Variants in GUCY1A2 observed in about 807,000 individuals in gnomAD.
GUCY1A2 encodes guanylate cyclase soluble subunit alpha-2.
A neutral mutation model predicts 63.5 loss-of-function variants in GUCY1A2; 27 were observed. The ratio of observed to expected loss-of-function variants is 0.43; its 90% CI spans 0.31 to 0.59. GUCY1A2 has a LOEUF of 0.59. GUCY1A2 is among the 20% of genes least tolerant of loss of function. GUCY1A2 has a pLI of 0.11. For missense variants in GUCY1A2, 768 were observed against 913.3 expected, an observed-to-expected ratio of 0.84 and a Z score of 2.05; for synonymous variants, 364 against 343.5, an observed-to-expected ratio of 1.06 and a Z score of -0.66.
At chr11:106,911,628 C>CA (rs1405444840) in intron 4 of GUCY1A2, among the ~76,000 whole-genome samples, 3 of 152,110 alleles carry the variant, frequency 2.0e-5, no homozygotes, top group Admixed American at 2.0e-4. Flanking sequence ...CTGAGAGTTT[C>CA]ACAAAATGAT....
At chr11:106,991,119 A>G (rs1452928438) in intron 1 of GUCY1A2, among the ~76,000 whole-genome samples, 2 of 151,582 alleles carry the variant, frequency 1.3e-5, no homozygotes, top group African/African-American at 4.8e-5. Flanking sequence ...CCTACTGAGG[A>G]GCTGGGATTA....
rs1371932777 is a variant in GUCY1A2, at chr11:106,766,407, CTTCTAT to C, written c.1836+10026_1836+10031del. On this transcript the variant is annotated intron_variant, in intron 6 of 7. Coordinates refer to ENST00000526355, the MANE Select transcript of GUCY1A2 (RefSeq NM_000855.3). ...AATAATCTACTTTTTAAGTCCATAC[CTTCTAT>C]TTCTATGTGTTTGTATTGAATGTTT... Among the ~76,000 whole-genome samples, 9 of 152,056 alleles carry C rather than the reference CTTCTAT, an allele frequency of 5.9e-5. No individual in the cohort carries two copies. The East Asian group carries it at 1.7e-3, about 29-fold the overall frequency.
chr11:106,827,875 G>T, intron 4 of GUCY1A2: 1 of 1,589,824 alleles, frequency 6.3e-7, no homozygotes, highest in Non-Finnish European at 8.6e-7. Context: ...GTCATGGGAG[G>T]GCGCGCTGCC....
At position 106,680,538 on chromosome 11, in the gene GUCY1A2, T is replaced by G. The variant is rs1248058901; in HGVS notation, c.*7011A>C. 5.1e-6 allele frequency: 1 copy of G among 197,264 alleles called. No homozygotes were observed. The highest frequency in any genetic ancestry group is 1.0e-5 in the Non-Finnish European group (1 of 95,316). 12.2% of individuals were successfully genotyped at this position (197,264 alleles called of 1,614,324 possible). On this transcript the variant is annotated 3_prime_UTR_variant, in exon 8 of 8. Coordinates refer to ENST00000526355, the MANE Select transcript of GUCY1A2 (RefSeq NM_000855.3). ...AAGAATGATCTGATCAGCAACTAGC[T>G]GAATTAACTGGAAGGATAACTTCAG...
At chr11:106,887,411 C>T (rs1859914725) in intron 4 of GUCY1A2, among the ~76,000 whole-genome samples, 1 of 152,164 alleles carries the variant, frequency 6.6e-6, no homozygotes, top group South Asian at 2.1e-4. Context: ...CTTCCTTTCT[C>T]CACTTACATG....
At chr11:106,950,999 T>A (rs11211986) in intron 3 of GUCY1A2, among the ~76,000 whole-genome samples, 22,850 of 152,156 alleles carry the variant, frequency 0.15, 2,046 homozygotes, top group South Asian at 0.26. Context: ...GTGTTTGGTT[T>A]TCTGTTCCTG....
chr11:106,888,025 C>T (rs1859921722), intron 4 of GUCY1A2, among the ~76,000 whole-genome samples: 1 of 152,118 alleles, frequency 6.6e-6, no homozygotes, highest in Non-Finnish European at 1.5e-5. Context: ...CTGGATAAAT[C>T]ACTTCAAAAC....
intron 5 of GUCY1A2, among the ~76,000 whole-genome samples, chr11:106,796,469 G>A (rs1326797167): frequency 3.3e-5 from 5 of 152,072 alleles, no homozygotes; most frequent in Non-Finnish European, 5.9e-5. Flanking sequence ...CATGTTTAGT[G>A]CTTCCTTCAG....
intron 7 of GUCY1A2, 117 bp downstream of exon 7, chr11:106,708,395 A>G (rs778305683): frequency 6.7e-5 from 52 of 781,030 alleles, no homozygotes; most frequent in Non-Finnish European, 9.9e-5. Context: ...GGGCAGTTCT[A>G]CTCATAATAT....
chr11:106,687,370 T>A lies in GUCY1A2; in HGVS notation c.*179A>T. The A allele has an allele frequency of 1.7e-6, 1 of 603,512 alleles. No individual in the cohort carries two copies. Among genetic ancestry groups the A allele is most frequent in the Non-Finnish European group, 3.0e-6 (1 of 338,234 alleles). The allele number at this position is 603,512 out of a possible 1,614,324, so 37.4% of individuals were successfully genotyped here. ...CATCTTATTTCCCTCATCCTCCGGC[T>A]TTTTATTGACAGCGGTCACCTCCAC... On this transcript the variant is annotated 3_prime_UTR_variant, in exon 8 of 8. Transcript: ENST00000526355.
intron 6 of GUCY1A2, among the ~76,000 whole-genome samples, chr11:106,751,648 A>G (rs1290522688): frequency 6.6e-6 from 1 of 152,174 alleles, no homozygotes; most frequent in East Asian, 1.9e-4. Flanking sequence ...AATAAAATAA[A>G]ATAAAATAAA....
chr11:106,706,886 T>C (rs945988551), intron 7 of GUCY1A2, among the ~76,000 whole-genome samples: 1 of 152,168 alleles, frequency 6.6e-6, no homozygotes, highest in Non-Finnish European at 1.5e-5. Flanking sequence ...GCCATGGTAA[T>C]TGTTGTCAGA....
intron 6 of GUCY1A2, among the ~76,000 whole-genome samples, chr11:106,756,086 C>T (rs1486337327): frequency 2.6e-5 from 4 of 152,156 alleles, no homozygotes; most frequent in Non-Finnish European, 5.9e-5. Flanking sequence ...GCATTGATCC[C>T]TTTACCATTA....
chr11:106,862,706 A>C (rs757678775), intron 4 of GUCY1A2, among the ~76,000 whole-genome samples: 6 of 151,984 alleles, frequency 3.9e-5, no homozygotes, highest in Non-Finnish European at 7.4e-5. Context: ...CCCTGACCAG[A>C]AACTGGAATG....
intron 3 of GUCY1A2, among the ~76,000 whole-genome samples, chr11:106,975,296 T>C (rs1303672491): frequency 6.6e-6 from 1 of 152,166 alleles, no homozygotes; most frequent in African/African-American, 2.4e-5. Flanking sequence ...TGCTTCATCA[T>C]ACCATTCAAC....
At position 106,707,981 on chromosome 11, in the gene GUCY1A2, T is replaced by C. The variant is rs567886883; in HGVS notation, c.1991+531A>G. ...GATATTGGATTTCAGATTTTCAAATTTGGGATGCTCACCAGGTAATATGCA... is the reference window on the plus strand; with the variant it reads ...GATATTGGATTTCAGATTTTCAAATCTGGGATGCTCACCAGGTAATATGCA... On this transcript the variant is annotated intron_variant, in intron 7 of 7. Transcript: ENST00000526355. Among the ~76,000 whole-genome samples the C allele has an allele frequency of 2.2e-3, 334 of 152,178 alleles. 16 individuals carry two copies. In the South Asian group the frequency reaches 0.067, roughly 31 times the overall value.
chr11:106,994,722 T>C (rs1253039326), intron 1 of GUCY1A2, among the ~76,000 whole-genome samples: 4 of 152,226 alleles, frequency 2.6e-5, no homozygotes, highest in Admixed American at 2.6e-4. Context: ...GTGGGTCTCC[T>C]GTGCTCTTTC....
chr11:106,924,023 C>A (rs1430304073), intron 4 of GUCY1A2, among the ~76,000 whole-genome samples: 1 of 152,024 alleles, frequency 6.6e-6, no homozygotes, highest in African/African-American at 2.4e-5. Flanking sequence ...TTACATAAAG[C>A]AATCAAGATG....
intron 6 of GUCY1A2, among the ~76,000 whole-genome samples, chr11:106,758,743 C>G (rs183779996): frequency 3.4e-4 from 52 of 152,290 alleles, no homozygotes; most frequent in Admixed American, 1.2e-3. Context: ...AACAGAGTGG[C>G]TTTCCATTAT....
Sources: allele counts gnomAD v4.1 joint callset (sites outside exome capture counted in the v4.1 genomes callset), GRCh38; gene constraint gnomAD v4.1.1; transcripts MANE v1.5; gene names NCBI Gene and HGNC (gene_info 2026-07-23, HGNC 2026-07-21).